The following NUBPL variants were observed in gnomAD, a reference collection of about 807,000 sequenced individuals.
NUBPL encodes iron-sulfur cluster transfer protein NUBPL.
Under a neutral mutation model 45.7 loss-of-function variants are expected in NUBPL, and 31 were observed. The ratio of observed to expected loss-of-function variants is 0.68; its 90% confidence interval spans 0.51 to 0.92. The LOEUF is 0.92. Ranked by LOEUF, NUBPL falls within the 40% of genes least tolerant of loss-of-function variation. NUBPL has a pLI of 0.00. For missense variants in NUBPL, 401 were observed against 398.7 expected (o/e 1.01, Z -0.05); for synonymous variants, 144 against 140.9 (o/e 1.02, Z -0.15).
chr14:31,705,336 GT>G (rs2139906386), intron 6 of NUBPL, among the ~76,000 whole-genome samples: 1 of 152,352 alleles, frequency 6.6e-6, no homozygotes, highest in African/African-American at 2.4e-5. Context: ...CTTCCACAGC[GT>G]GGAAGGGGAA....
At chr14:31,590,232 C>A (rs546796117) in intron 3 of NUBPL, among the ~76,000 whole-genome samples, 1 of 152,122 alleles carries the variant, frequency 6.6e-6, no homozygotes. Context: ...CCTCTGCCTC[C>A]CAGGTTCAGG....
At chr14:31,620,673 C>T (rs970458499) in intron 4 of NUBPL, among the ~76,000 whole-genome samples, 3 of 152,278 alleles carry the variant, frequency 2.0e-5, no homozygotes, top group Non-Finnish European at 4.4e-5. Flanking sequence ...CAGAGAGGCA[C>T]CCACCAGACG....
At chr14:31,719,996 T>C (rs1221313417) in intron 6 of NUBPL, among the ~76,000 whole-genome samples, 1 of 152,184 alleles carries the variant, frequency 6.6e-6, no homozygotes, top group African/African-American at 2.4e-5. Flanking sequence ...TAAGAGCTTA[T>C]TGGATATTTA....
At chr14:31,677,125 T>C (rs1595479150) in intron 6 of NUBPL, among the ~76,000 whole-genome samples, 1 of 152,314 alleles carries the variant, frequency 6.6e-6, no homozygotes, top group Non-Finnish European at 1.5e-5. Context: ...TGAGTAATAA[T>C]TGCATCAGAG....
intron 7 of NUBPL, among the ~76,000 whole-genome samples, chr14:31,810,552 G>C (rs1031142969): frequency 6.6e-6 from 1 of 152,086 alleles, no homozygotes; most frequent in Non-Finnish European, 1.5e-5. Context: ...GCACACTGAT[G>C]GGTCTTGACT....
intron 3 of NUBPL, chr14:31,578,050 C>A: frequency 1.8e-6 from 2 of 1,127,644 alleles, no homozygotes; most frequent in Non-Finnish European, 2.4e-6. Context: ...ACAGATTACA[C>A]TTTGGCAGAA....
At chr14:31,822,179 G>A (rs1196565986) in intron 7 of NUBPL, among the ~76,000 whole-genome samples, 2 of 152,028 alleles carry the variant, frequency 1.3e-5, no homozygotes, top group Admixed American at 6.6e-5. Context: ...TTAAAATATC[G>A]AAAAGTTTAA....
chr14:31,656,272 C>T (rs2036138889), intron 4 of NUBPL, among the ~76,000 whole-genome samples: 1 of 152,134 alleles, frequency 6.6e-6, no homozygotes, highest in African/African-American at 2.4e-5. Context: ...ATAAAGCTTT[C>T]TCTGTCTCAG....
intron 4 of NUBPL, among the ~76,000 whole-genome samples, chr14:31,668,545 C>A (rs2036493706): frequency 6.6e-6 from 1 of 152,134 alleles, no homozygotes; most frequent in African/African-American, 2.4e-5. Flanking sequence ...GGGTTCAGCC[C>A]CTTTTCAGGG....
At chr14:31,763,625 T>C (rs755241506) in intron 6 of NUBPL, among the ~76,000 whole-genome samples, 1 of 152,220 alleles carries the variant, frequency 6.6e-6, no homozygotes, top group Non-Finnish European at 1.5e-5. Context: ...TGATTTATTG[T>C]CCTATACATT....
rs10611566 is a variant in NUBPL at position 31,851,235 on chromosome 14, C to CTT, written c.897+1048_897+1049dup. On this transcript the variant is annotated intron_variant, in intron 10 of 10. Coordinates refer to ENST00000281081, the MANE Select transcript of NUBPL (RefSeq NM_025152.3). ...CCCAATCAATCTTCTAATAGTTTTTCTTTTTTTTTTTTTTTCTTTTCCTTA... is the reference window on the plus strand; with the variant it reads ...CCCAATCAATCTTCTAATAGTTTTTCTTTTTTTTTTTTTTTTTCTTTTCCTTA... Among the ~76,000 whole-genome samples the CTT allele has an allele frequency of 1.3e-3, 186 of 139,074 alleles. 2 individuals carry two copies. The highest frequency in any genetic ancestry group is 2.7e-3 in the Admixed American group (37 of 13,898). 91.2% of individuals were successfully genotyped at this position (139,074 alleles called of 152,430 possible). A position where few individuals can be genotyped will look rare whatever the true frequency, so the allele number is the denominator to read the frequency against.
intron 6 of NUBPL, among the ~76,000 whole-genome samples, chr14:31,758,921 A>G (rs557529603): frequency 2.0e-5 from 3 of 152,286 alleles, no homozygotes; most frequent in East Asian, 3.9e-4. Flanking sequence ...AAAGAAGACA[A>G]GCTTTTCCTC....
At chr14:31,625,195 G>A (rs976869574) in intron 4 of NUBPL, among the ~76,000 whole-genome samples, 5 of 152,196 alleles carry the variant, frequency 3.3e-5, no homozygotes, top group Non-Finnish European at 7.3e-5. Flanking sequence ...AGGAAGCAGG[G>A]AGTTTTGGGA....
At chr14:31,818,699 C>T (rs934751460) in intron 7 of NUBPL, among the ~76,000 whole-genome samples, 1 of 152,198 alleles carries the variant, frequency 6.6e-6, no homozygotes, top group South Asian at 2.1e-4. Flanking sequence ...CAGGCGCCGG[C>T]CACCACGCCC....
intron 6 of NUBPL, among the ~76,000 whole-genome samples, chr14:31,735,707 C>T (rs989959088): frequency 1.3e-5 from 2 of 152,064 alleles, no homozygotes; most frequent in Non-Finnish European, 2.9e-5. Context: ...TAAAAATTAG[C>T]CGGGCGTCGT....
chr14:31,579,549 G>C (rs1382331530), intron 3 of NUBPL, among the ~76,000 whole-genome samples: 1 of 152,224 alleles, frequency 6.6e-6, no homozygotes, highest in African/African-American at 2.4e-5. Context: ...ACTTGTCATA[G>C]AAATGAAGAC....
chr14:31,655,328 G>A (rs933555264), intron 4 of NUBPL, among the ~76,000 whole-genome samples: 2 of 152,190 alleles, frequency 1.3e-5, no homozygotes, highest in Non-Finnish European at 2.9e-5. Flanking sequence ...TGGATGTTTT[G>A]TTAGCAGGCA....
intron 4 of NUBPL, among the ~76,000 whole-genome samples, chr14:31,646,896 C>T (rs1223600968): frequency 6.6e-6 from 1 of 151,286 alleles, no homozygotes; most frequent in Non-Finnish European, 1.5e-5. Context: ...ATCTTTGTTC[C>T]TTTTCTTTCT....
chr14:31,830,449 T>C (rs1246633709), intron 8 of NUBPL, among the ~76,000 whole-genome samples: 2 of 152,336 alleles, frequency 1.3e-5, no homozygotes, highest in Non-Finnish European at 2.9e-5. Context: ...AAGCCATGAT[T>C]ATTTTTTTCA....
Sources: allele counts gnomAD v4.1 joint callset (sites outside exome capture counted in the v4.1 genomes callset), GRCh38; gene constraint gnomAD v4.1.1; transcripts MANE v1.5; gene names NCBI Gene and HGNC (gene_info 2026-07-23, HGNC 2026-07-21).